Variants in SOS1 observed in about 807,000 individuals in gnomAD.
The protein encoded by SOS1 is son of sevenless homolog 1.
SOS1 carries 25 observed loss-of-function variants against 157.6 expected under a neutral mutation model. The ratio of observed to expected loss-of-function variants is 0.16; its 90% CI spans 0.12 to 0.22. SOS1 has a LOEUF of 0.22. Among genes scored for constraint, SOS1 ranks in the 10% least tolerant of loss-of-function variants. The pLI is 1.00. For missense variants in SOS1, 1,237 were observed against 1,599.1 expected (o/e 0.77, Z 3.86); for synonymous variants, 528 against 534.0 (o/e 0.99, Z 0.16).
At chr2:39,099,981 T>G (rs534214435) in intron 1 of SOS1, among the ~76,000 whole-genome samples, 1 of 152,340 alleles carries the variant, frequency 6.6e-6, no homozygotes, top group African/African-American at 2.4e-5. Context: ...CCTCCCAAAG[T>G]GCTGGGATTA....
chr2:39,037,734 C>G (rs1445749517), intron 6 of SOS1, among the ~76,000 whole-genome samples: 1 of 151,930 alleles, frequency 6.6e-6, no homozygotes, highest in East Asian at 1.9e-4. Flanking sequence ...TTTCAAACTT[C>G]TTCACCATTA....
intron 1 of SOS1, among the ~76,000 whole-genome samples, chr2:39,092,270 G>A (rs1298091214): frequency 1.3e-5 from 2 of 152,034 alleles, no homozygotes; most frequent in African/African-American, 2.4e-5. Flanking sequence ...GAGGATCATG[G>A]CTCACTGCAC....
intron 5 of SOS1, among the ~76,000 whole-genome samples, chr2:39,051,772 A>G (rs1040112280): frequency 2.6e-5 from 4 of 152,232 alleles, no homozygotes; most frequent in African/African-American, 9.6e-5. Context: ...AATCTCTAAC[A>G]TAGCGTACTA....
chr2:39,036,370 G>T (rs1294978717), intron 6 of SOS1, among the ~76,000 whole-genome samples: 1 of 151,988 alleles, frequency 6.6e-6, no homozygotes, highest in African/African-American at 2.4e-5. Context: ...TTTGAAACAG[G>T]ATCTTGGTCT....
In SOS1 at chr2:38,983,207, G is replaced by A. The variant is rs901087283; in HGVS notation, c.*2617C>T. ...TTCAAAAGCAGAATTTTGTAATGAT[G>A]CATTTATCTCCTCAGCCATTTCTGG... On this transcript the variant is annotated 3_prime_UTR_variant, in exon 23 of 23. Coordinates refer to ENST00000402219, the MANE Select transcript of SOS1 (RefSeq NM_005633.4). The A allele has an allele frequency of 6.6e-6, 1 of 152,044 alleles. No homozygotes were observed. Among genetic ancestry groups the A allele is most frequent in the Non-Finnish European group, 1.5e-5 (1 of 67,994 alleles). The allele number at this position is 152,044 out of a possible 1,614,324, so 9.4% of individuals were successfully genotyped here. A position where few individuals can be genotyped will look rare whatever the true frequency, so the allele number is the denominator to read the frequency against.
intron 5 of SOS1, among the ~76,000 whole-genome samples, chr2:39,051,711 A>C (rs1671023567): frequency 6.6e-6 from 1 of 152,200 alleles, no homozygotes; most frequent in Non-Finnish European, 1.5e-5. Flanking sequence ...ATTTTTTTTA[A>C]GCCATAACAA....
At chr2:38,999,841 T>C (rs138538735) in intron 17 of SOS1, among the ~76,000 whole-genome samples, 7 of 152,328 alleles carry the variant, frequency 4.6e-5, no homozygotes, top group Non-Finnish European at 1.0e-4. Flanking sequence ...TTTTGTCAAA[T>C]AGCTTAACTT....
intron 17 of SOS1, among the ~76,000 whole-genome samples, chr2:39,000,257 A>G (rs528762431): frequency 6.6e-6 from 1 of 152,384 alleles, no homozygotes; most frequent in Admixed American, 6.5e-5. Flanking sequence ...ACAAATGATC[A>G]CAGCAGTGGT....
rs370829354 is a variant in SOS1 at position 39,118,443 on chromosome 2, G to C, written c.87+1893C>G. On this transcript the variant is annotated intron_variant, in intron 1 of 22. Coordinates refer to ENST00000402219, the MANE Select transcript of SOS1 (RefSeq NM_005633.4). ...ATTTTCAATCTTGTTTAGAATCATT[G>C]TTAGTGGCTATTTAAATAAGAATTG... Among the ~76,000 whole-genome samples, 12 of 152,198 alleles carry C rather than the reference G, an allele frequency of 7.9e-5. No individual in the cohort carries two copies. In the East Asian group the frequency reaches 1.9e-3, roughly 24 times the overall value.
At chr2:39,030,930 G>C (rs1403941095) in intron 8 of SOS1, among the ~76,000 whole-genome samples, 1 of 152,144 alleles carries the variant, frequency 6.6e-6, no homozygotes, top group African/African-American at 2.4e-5. Context: ...CTGATGTGCA[G>C]ATGGAGGCAA....
chr2:39,122,702 C>T (rs1308688516), upstream of SOS1, among the ~76,000 whole-genome samples: 1 of 152,142 alleles, frequency 6.6e-6, no homozygotes, highest in Non-Finnish European at 1.5e-5. Context: ...CCTGCCACCA[C>T]ACCCAGGTAA....
In SOS1 at chr2:39,088,211, A is replaced by G. The variant is rs1239626536; in HGVS notation, c.88-20458T>C. 3.7e-4 allele frequency among the ~76,000 whole-genome samples: 2 copies of G among 5,428 alleles called. 1 individual carries two copies. The highest frequency in any genetic ancestry group is 4.2e-3 in the East Asian group (2 of 476). 3.6% of individuals were successfully genotyped at this position (5,428 alleles called of 152,430 possible). ...ATCAGTGGTTCTTAAACCATGCATA[A>G]CAATAAACTGAAAAGCTTTTTTCTT... On this transcript the variant is annotated intron_variant, in intron 1 of 22. Coordinates refer to ENST00000402219, the MANE Select transcript of SOS1 (RefSeq NM_005633.4).
Position 38,986,000 on chromosome 2 carries a change from G to T in SOS1, c.3826C>A (p.Pro1276Thr). 6.2e-7 allele frequency: 1 copy of T among 1,613,996 alleles called. No individual in the cohort carries two copies. The highest frequency in any genetic ancestry group is 1.1e-5 in the South Asian group (1 of 91,076). ...AGGTCCACTTCTTGTGTCAATGGTG[G>T]TGATGGCAGATGCCTTCTTGTGCCG... ...PHGTRRHLPS[P>T]PLTQEVDLHS... Residue 1276 changes from proline to threonine, a missense_variant, in exon 23 of 23, where the codon CCA (proline) becomes ACA (threonine). Physicochemically the swap from Pro to Thr is conservative, Grantham distance 38. Coordinates refer to ENST00000402219, the MANE Select transcript of SOS1 (RefSeq NM_005633.4).
rs1167317994 is a variant in SOS1 at position 38,995,369 on chromosome 2, G to T, written c.3100C>A (p.Pro1034Thr). The change falls in exon 20 of 23, where the codon CCC becomes ACC. Residue 1034 changes from proline to threonine, a missense_variant. Around this residue, in one of 15 missense-constraint regions of SOS1, gnomAD observed 43 missense variants for 83.0 expected, o/e 0.52. Transcript: ENST00000402219. ...LPRFPKKYSY[P>T]LKSPGVRPSN... Reference sequence around the variant, plus strand: ...GGACGAACACCAGGAGATTTTAGGGGATAGCTATATTTTTTTGGCTGTAGA... The same window carrying T: ...GGACGAACACCAGGAGATTTTAGGGTATAGCTATATTTTTTTGGCTGTAGA... 1.2e-6 allele frequency: 2 copies of T among 1,613,256 alleles called. No homozygotes were observed. The highest frequency in any genetic ancestry group is 1.7e-6 in the Non-Finnish European group (2 of 1,179,472).
chr2:39,002,611 A>G (rs2124491166), intron 17 of SOS1, among the ~76,000 whole-genome samples: 1 of 152,360 alleles, frequency 6.6e-6, no homozygotes, highest in East Asian at 1.9e-4. Context: ...TAGGTATTCA[A>G]GAAATATACG....
intron 15 of SOS1, chr2:39,007,426 T>C: frequency 7.9e-6 from 4 of 506,916 alleles, no homozygotes; most frequent in Non-Finnish European, 1.1e-5. Context: ...TTTCCTACTA[T>C]ATTTGGTGCA....
At chr2:39,004,173 T>A (rs1273980736) in intron 17 of SOS1, among the ~76,000 whole-genome samples, 2 of 152,102 alleles carry the variant, frequency 1.3e-5, no homozygotes, top group African/African-American at 4.8e-5. Context: ...CCCAGCACTT[T>A]GGGAGGCCAA....
chr2:39,051,876 T>C (rs979552808), intron 5 of SOS1, among the ~76,000 whole-genome samples: 2 of 152,164 alleles, frequency 1.3e-5, no homozygotes, highest in Non-Finnish European at 2.9e-5. Flanking sequence ...TCTGTGTAAT[T>C]TTTTTATTGA....
Position 39,012,321 on chromosome 2 carries a change from G to T in SOS1, c.2195C>A (p.Ser732Tyr). The T allele has an allele frequency of 6.2e-7, 1 of 1,606,594 alleles. No individual in the cohort carries two copies. The highest frequency in any genetic ancestry group is 8.5e-7 in the Non-Finnish European group (1 of 1,173,738). The change falls in exon 14 of 23, where the codon TCC (serine) becomes TAC (tyrosine). Residue 732 changes from serine to tyrosine, a missense_variant. Physicochemically the swap from Ser to Tyr is moderately radical, Grantham distance 144. Around this residue, in one of 15 missense-constraint regions of SOS1, gnomAD observed 42 missense variants for 80.4 expected, o/e 0.52. Transcript: ENST00000402219. ...RGKAMKKWVE[S>Y]ITKIIQRKKI... ...TTTCCTTTGGATTATTTTAGTGATG[G>T]ATTCAACCCATTTTTTCATTGCTTT...
Sources: allele counts gnomAD v4.1 joint callset (sites outside exome capture counted in the v4.1 genomes callset), GRCh38; gene constraint gnomAD v4.1.1; regional missense constraint gnomAD v4.1.1; transcripts MANE v1.5; gene names NCBI Gene and HGNC (gene_info 2026-07-23, HGNC 2026-07-21).